TGFB2: variants seen among roughly 807,000 people sequenced by gnomAD.
TGFB2 encodes the protein transforming growth factor beta-2 proprotein.
Under a neutral mutation model 42.7 loss-of-function variants are expected in TGFB2, and 13 were observed. The ratio of observed to expected loss-of-function variants is 0.30; its 90% CI spans 0.20 to 0.48. The LOEUF is 0.48. TGFB2 is among the 20% of genes least tolerant of loss of function. The probability of loss-of-function intolerance (pLI) is 0.99; values close to 1 mark genes in which losing one functional copy is unlikely to be tolerated. For synonymous variants in TGFB2, 193 were observed against 193.6 expected (o/e 1.00, Z 0.03); for missense variants, 390 against 517.5 (o/e 0.75, Z 2.39).
chr1:218,396,768 C>CCA (rs1367586565), intron 1 of TGFB2, among the ~76,000 whole-genome samples: 1 of 152,134 alleles, frequency 6.6e-6, no homozygotes, highest in Middle Eastern at 3.4e-3. Flanking sequence ...AAAACTAAGT[C>CCA]CACCCCAGTC....
At chr1:218,365,664 AT>A (rs146829350) in intron 1 of TGFB2, among the ~76,000 whole-genome samples, 6,696 of 141,590 alleles carry the variant, frequency 0.047, 311 homozygotes, top group African/African-American at 0.13. Context: ...GGGGCTCTGC[AT>A]TTTTTTTTTT....
intron 2 of TGFB2, among the ~76,000 whole-genome samples, chr1:218,430,795 C>A (rs1413753367): frequency 6.6e-6 from 1 of 152,268 alleles, no homozygotes; most frequent in East Asian, 1.9e-4. Context: ...AGGAGGAATA[C>A]TTTTATATAG....
rs11118100 is a variant in TGFB2 at position 218,396,349 on chromosome 1, G to A, written c.347-8820G>A. ...AAAAACAATTTTTGGAGGCTCCATC[G>A]GTGGAGAGCATGATGTAATGGCAGA... is the stretch of plus-strand genomic sequence containing the variant. On this transcript the variant is annotated intron_variant, in intron 1 of 6. Coordinates refer to ENST00000366930, the MANE Select transcript of TGFB2 (RefSeq NM_003238.6). Among the ~76,000 whole-genome samples the A allele has an allele frequency of 6.7e-4, 102 of 152,182 alleles. No homozygotes were observed. The Middle Eastern group carries it at 0.01, about 15-fold the overall frequency.
chr1:218,371,498 GC>G (rs1269655854), intron 1 of TGFB2, among the ~76,000 whole-genome samples: 1 of 152,080 alleles, frequency 6.6e-6, no homozygotes, highest in Admixed American at 6.6e-5. Context: ...TTTCATTAAT[GC>G]CATTCTCCTC....
chr1:218,436,709 T>C (rs1210863529), intron 5 of TGFB2, among the ~76,000 whole-genome samples: 1 of 152,192 alleles, frequency 6.6e-6, no homozygotes, highest in Non-Finnish European at 1.5e-5. Flanking sequence ...AGGAGGGCTC[T>C]TTCCTTATTT....
At chr1:218,426,039 T>C (rs994984677) in intron 2 of TGFB2, among the ~76,000 whole-genome samples, 1 of 152,250 alleles carries the variant, frequency 6.6e-6, no homozygotes, top group Non-Finnish European at 1.5e-5. Flanking sequence ...ATTAAACATA[T>C]TTAAAGCGTT....
At chr1:218,397,718 C>T (rs1658572021) in intron 1 of TGFB2, among the ~76,000 whole-genome samples, 1 of 152,184 alleles carries the variant, frequency 6.6e-6, no homozygotes, top group Admixed American at 6.5e-5. Context: ...ACCATCCATA[C>T]TCTTTAAGAA....
intron 1 of TGFB2, among the ~76,000 whole-genome samples, chr1:218,401,633 C>T (rs2102590791): frequency 6.6e-6 from 1 of 152,314 alleles, no homozygotes; most frequent in Admixed American, 6.5e-5. Flanking sequence ...ACCTGACCAC[C>T]TGGCAATGGA....
At chr1:218,410,405 C>T (rs138451764) in intron 2 of TGFB2, among the ~76,000 whole-genome samples, 5 of 152,288 alleles carry the variant, frequency 3.3e-5, no homozygotes, top group Admixed American at 1.3e-4. Flanking sequence ...TGTGAACTTA[C>T]GATTTTCATT....
chr1:218,435,008 C>T (rs137932875), intron 4 of TGFB2, among the ~76,000 whole-genome samples: 134 of 152,162 alleles, frequency 8.8e-4, no homozygotes, highest in Non-Finnish European at 1.6e-3. Context: ...GCTTTCCCCA[C>T]GCTTACCTTT....
intron 1 of TGFB2, among the ~76,000 whole-genome samples, chr1:218,404,270 G>T (rs530870408): frequency 2.0e-5 from 3 of 152,060 alleles, no homozygotes; most frequent in African/African-American, 7.2e-5. Flanking sequence ...GCGCCACCAC[G>T]CCTGGCTAAT....
intron 1 of TGFB2, 131 bp from the exon 2 acceptor site, chr1:218,405,038 A>G: frequency 9.8e-7 from 1 of 1,017,850 alleles, no homozygotes; most frequent in Middle Eastern, 2.2e-4. Flanking sequence ...TGTTAATGGT[A>G]TTAAACTGGC....
At chr1:218,353,898 A>G (rs917185159) in intron 1 of TGFB2, among the ~76,000 whole-genome samples, 2 of 152,200 alleles carry the variant, frequency 1.3e-5, no homozygotes, top group Admixed American at 6.5e-5. Flanking sequence ...TCTAAACATA[A>G]CAAAATAAAA....
chr1:218,434,195 T>A lies in TGFB2; in HGVS notation c.624T>A (p.His208Gln), dbSNP rs755821914. 4.3e-6 allele frequency: 7 copies of A among 1,614,070 alleles called. No individual in the cohort carries two copies. The highest frequency in any genetic ancestry group is 5.9e-6 in the Non-Finnish European group (7 of 1,180,016). The change falls in exon 3 of 7, where the codon CAT becomes CAA. Residue 208 changes from histidine (H) to glutamine (Q), a missense_variant. Coordinates refer to ENST00000366930, the MANE Select transcript of TGFB2 (RefSeq NM_003238.6). Reference sequence around the variant, plus strand: ...CCTTCGATGTAACTGATGCTGTTCATGAATGGCTTCACCATAAAGGTTACA... The same window carrying A: ...CCTTCGATGTAACTGATGCTGTTCAAGAATGGCTTCACCATAAAGGTTACA... ...WLSFDVTDAV[H>Q]EWLHHKDRNL...
At chr1:218,430,410 A>G (rs1304974445) in intron 2 of TGFB2, among the ~76,000 whole-genome samples, 3 of 152,028 alleles carry the variant, frequency 2.0e-5, no homozygotes, top group African/African-American at 2.4e-5. Flanking sequence ...AAAAAAAAGT[A>G]TAAAGAAATT....
chr1:218,397,771 A>C (rs1658574029), intron 1 of TGFB2, among the ~76,000 whole-genome samples: 1 of 152,312 alleles, frequency 6.6e-6, no homozygotes, highest in Non-Finnish European at 1.5e-5. Flanking sequence ...AATGAGCAGG[A>C]ACCTGTGCTG....
chr1:218,405,525 C>G (rs1032150117), intron 2 of TGFB2, 193 bp downstream of exon 2: 2 of 955,996 alleles, frequency 2.1e-6, no homozygotes, highest in Non-Finnish European at 1.6e-6. Flanking sequence ...CCATCACACC[C>G]GATTATCTTT....
chr1:218,347,101 T>C, intron 1 of TGFB2, 54 bp downstream of exon 1: 2 of 1,493,062 alleles, frequency 1.3e-6, no homozygotes, highest in Non-Finnish European at 1.8e-6. Context: ...CCCGGAGCTC[T>C]CAAAACCGCA....
intron 1 of TGFB2, among the ~76,000 whole-genome samples, chr1:218,365,386 C>T (rs1230143414): frequency 6.6e-6 from 1 of 152,204 alleles, no homozygotes; most frequent in East Asian, 1.9e-4. Context: ...TTTTTCTTCT[C>T]AGACACTCCT....
Sources: allele counts gnomAD v4.1 joint callset (sites outside exome capture counted in the v4.1 genomes callset), GRCh38; gene constraint gnomAD v4.1.1; transcripts MANE v1.5; gene names NCBI Gene and HGNC (gene_info 2026-07-23, HGNC 2026-07-21).